The following MARCHF1 variants were observed in gnomAD, a reference collection of about 807,000 sequenced individuals.
The protein encoded by MARCHF1 is membrane associated ring-CH-type finger 1, also known as E3 ubiquitin-protein ligase MARCHF1.
Under a neutral mutation model 54.2 loss-of-function variants are expected in MARCHF1, and 40 were observed. The observed-to-expected ratio is 0.74, with a 90% CI of 0.57 to 0.96. MARCHF1 has a LOEUF of 0.96. MARCHF1 is among the 40% of genes least tolerant of loss of function. MARCHF1 has a pLI of 0.00. For synonymous variants in MARCHF1, 236 were observed against 236.3 expected, an observed-to-expected ratio of 1.00 and a Z score of 0.01; for missense variants, 586 against 656.5, an observed-to-expected ratio of 0.89 and a Z score of 1.17.
intron 1 of MARCHF1, among the ~76,000 whole-genome samples, chr4:164,293,516 G>C (rs1291315706): frequency 6.6e-6 from 1 of 152,174 alleles, no homozygotes; most frequent in African/African-American, 2.4e-5. Context: ...CCTGATTCAT[G>C]AATCATTCTT....
chr4:163,620,604 CACAGAGAGAGAGAGAGAG>C (rs1456223325), intron 5 of MARCHF1, among the ~76,000 whole-genome samples: 44 of 49,652 alleles, frequency 8.9e-4, no homozygotes, highest in Admixed American at 1.5e-3. Context: ...CACACACACA[CACAGAGAGAGAGAGAGAG>C]AGAGAGAGAG....
At chr4:164,031,113 T>C (rs1335191289) in intron 2 of MARCHF1, among the ~76,000 whole-genome samples, 3 of 152,194 alleles carry the variant, frequency 2.0e-5, no homozygotes, top group Non-Finnish European at 4.4e-5. Context: ...CTCTGATGCA[T>C]AGGAGTGGTG....
rs542223299 is a variant in MARCHF1 at position 164,200,113 on chromosome 4, C to G, written c.-322-88451G>C. 3.3e-4 allele frequency among the ~76,000 whole-genome samples: 51 copies of G among 152,312 alleles called. 1 individual carries two copies. Among genetic ancestry groups the G allele is most frequent in the African/African-American group, 1.2e-3 (50 of 41,566 alleles). ...CTGCATTCGGAGAAGCACACCTTCT[C>G]TGCACTCCTATGCATGGTATGTATG... On this transcript the variant is annotated intron_variant, in intron 1 of 9. Coordinates refer to ENST00000514618, the MANE Select transcript of MARCHF1 (RefSeq NM_001394959.1).
At chr4:163,867,657 A>T (rs1238725857) in intron 3 of MARCHF1, among the ~76,000 whole-genome samples, 1 of 151,764 alleles carries the variant, frequency 6.6e-6, no homozygotes, top group African/African-American at 2.4e-5. Flanking sequence ...GCCACACACT[A>T]TTCTTTGCCA....
chr4:164,257,486 A>G (rs1051007632), intron 1 of MARCHF1, among the ~76,000 whole-genome samples: 6 of 93,860 alleles, frequency 6.4e-5, no homozygotes, highest in Admixed American at 5.1e-4. Flanking sequence ...TTTCTAACAC[A>G]TTTGTTTTAT....
intron 4 of MARCHF1, among the ~76,000 whole-genome samples, chr4:163,844,568 C>G (rs1032311923): frequency 1.3e-5 from 2 of 152,038 alleles, no homozygotes; most frequent in African/African-American, 2.4e-5. Flanking sequence ...ATATTTGTTG[C>G]ATAGTATAGT....
intron 4 of MARCHF1, among the ~76,000 whole-genome samples, chr4:163,811,918 C>A (rs1748398727): frequency 6.6e-6 from 1 of 152,098 alleles, no homozygotes; most frequent in African/African-American, 2.4e-5. Flanking sequence ...GAGGGATTTC[C>A]AGGAGAGAAC....
At chr4:163,884,529 T>C (rs1245569691) in intron 3 of MARCHF1, among the ~76,000 whole-genome samples, 3 of 152,082 alleles carry the variant, frequency 2.0e-5, no homozygotes, top group African/African-American at 7.2e-5. Context: ...GGCTTCTCCT[T>C]CCCCTTGTTC....
intron 2 of MARCHF1, among the ~76,000 whole-genome samples, chr4:164,100,909 A>C (rs1188138612): frequency 2.6e-5 from 4 of 152,128 alleles, no homozygotes; most frequent in Non-Finnish European, 4.4e-5. Context: ...GTGCGCGCAC[A>C]GTGCGCGAGC....
At chr4:163,833,730 G>A (rs533084417) in intron 4 of MARCHF1, among the ~76,000 whole-genome samples, 72 of 152,082 alleles carry the variant, frequency 4.7e-4, no homozygotes, top group Non-Finnish European at 7.3e-4. Flanking sequence ...AATGAATAAC[G>A]TGGTGTGGGG....
intron 3 of MARCHF1, among the ~76,000 whole-genome samples, chr4:163,939,424 TCTGA>T (rs1171441280): frequency 6.6e-6 from 1 of 152,168 alleles, no homozygotes; most frequent in African/African-American, 2.4e-5. Flanking sequence ...TAGGGAAATG[TCTGA>T]CTGGTATCCA....
chr4:164,250,467 A>G (rs1011082565), intron 1 of MARCHF1, among the ~76,000 whole-genome samples: 6 of 152,080 alleles, frequency 3.9e-5, no homozygotes, highest in African/African-American at 7.2e-5. Context: ...TTTCAGTACT[A>G]TTTTGATCTT....
chr4:164,112,620 A>G (rs1227682865), intron 1 of MARCHF1, among the ~76,000 whole-genome samples: 1 of 151,956 alleles, frequency 6.6e-6, no homozygotes, highest in African/African-American at 2.4e-5. Context: ...TAATAGTTAT[A>G]TAAAATGAGT....
chr4:163,914,938 G>T (rs1463423451), intron 3 of MARCHF1, among the ~76,000 whole-genome samples: 1 of 152,098 alleles, frequency 6.6e-6, no homozygotes, highest in Non-Finnish European at 1.5e-5. Context: ...AAACAGCATG[G>T]CTGGGGCATA....
At chr4:163,756,583 G>C (rs1561060540) in intron 4 of MARCHF1, among the ~76,000 whole-genome samples, 3 of 127,156 alleles carry the variant, frequency 2.4e-5, no homozygotes, top group Non-Finnish European at 4.7e-5. Context: ...AGTGAGCCGA[G>C]ATAGCGCCAC....
chr4:163,983,175 A>C (rs778965417), intron 3 of MARCHF1, among the ~76,000 whole-genome samples: 3 of 152,204 alleles, frequency 2.0e-5, no homozygotes, highest in Admixed American at 1.3e-4. Flanking sequence ...TTGTGTGCCA[A>C]AGTGAAGCAT....
At chr4:164,053,847 T>G (rs1329816102) in intron 2 of MARCHF1, among the ~76,000 whole-genome samples, 1 of 152,178 alleles carries the variant, frequency 6.6e-6, no homozygotes, top group Non-Finnish European at 1.5e-5. Flanking sequence ...CAGTTCTAAT[T>G]GTCAGAAATA....
intron 3 of MARCHF1, among the ~76,000 whole-genome samples, chr4:163,963,940 A>G (rs546885700): frequency 6.6e-6 from 1 of 152,088 alleles, no homozygotes; most frequent in African/African-American, 2.4e-5. Flanking sequence ...ACCTTATGCA[A>G]GAACTTCTCA....
At chr4:163,853,094 T>C (rs1749683423) in intron 4 of MARCHF1, among the ~76,000 whole-genome samples, 1 of 152,176 alleles carries the variant, frequency 6.6e-6, no homozygotes. Flanking sequence ...AAATAAATTT[T>C]TGTTTTTTAT....
Sources: gnomAD v4.1 joint callset for allele counts (sites outside exome capture counted in the v4.1 genomes callset) on GRCh38, gnomAD v4.1.1 for gene constraint, MANE v1.5 for transcripts, NCBI Gene and HGNC (gene_info 2026-07-23, HGNC 2026-07-21) for gene names.